Variants in B4GALNT3 observed in about 807,000 individuals in gnomAD.
B4GALNT3 encodes beta-1,4-N-acetyl-galactosaminyltransferase 3, also known as beta-1,4-N-acetylgalactosaminyltransferase 3.
In B4GALNT3, 86 loss-of-function variants were observed where a neutral mutation model predicts 120.2. The observed-to-expected ratio is 0.72, with a 90% CI of 0.60 to 0.86. The LOEUF is 0.86. Among genes scored for constraint, B4GALNT3 ranks in the 40% least tolerant of loss-of-function variants. The pLI, the probability that B4GALNT3 is intolerant of heterozygous loss-of-function variation, is 0.00. For synonymous variants in B4GALNT3, 518 were observed against 510.4 expected (o/e 1.01, Z -0.20); for missense variants, 1,167 against 1,298.9 (o/e 0.90, Z 1.56).
At chr12:512,072 C>CCTT (rs1946579286) in intron 1 of B4GALNT3, among the ~76,000 whole-genome samples, 2 of 135,780 alleles carry the variant, frequency 1.5e-5, no homozygotes, top group Non-Finnish European at 3.1e-5. Context: ...CCACCTTCAA[C>CCTT]CTTCCACCTT....
intron 1 of B4GALNT3, among the ~76,000 whole-genome samples, chr12:484,995 G>A (rs1025541563): frequency 1.3e-5 from 2 of 152,082 alleles, no homozygotes; most frequent in Admixed American, 1.3e-4. Flanking sequence ...AAGAGCTATG[G>A]TGTTCTCGCA....
chr12:512,386 A>G (rs1280428873), intron 1 of B4GALNT3, among the ~76,000 whole-genome samples: 2 of 82,894 alleles, frequency 2.4e-5, no homozygotes, highest in Non-Finnish European at 2.3e-5. Flanking sequence ...TCCACCTTCC[A>G]CCTTCTTCCA....
intron 1 of B4GALNT3, among the ~76,000 whole-genome samples, chr12:499,054 G>GCAGGGCC (rs1360885206): frequency 6.6e-6 from 1 of 152,192 alleles, no homozygotes; most frequent in African/African-American, 2.4e-5. Flanking sequence ...GTATTCTAGA[G>GCAGGGCC]CAGGGCCCAG....
chr12:556,899 G>A, intron 15 of B4GALNT3, 33 bp downstream of exon 15: 1 of 1,575,882 alleles, frequency 6.3e-7, no homozygotes, highest in African/African-American at 1.3e-5. Context: ...GCATTCTCAG[G>A]GGCGGGGTCC....
intron 1 of B4GALNT3, among the ~76,000 whole-genome samples, chr12:512,310 TCTTCCA>T (rs1946589825): frequency 9.3e-6 from 1 of 106,992 alleles, no homozygotes; most frequent in African/African-American, 4.5e-5. Flanking sequence ...CCTTCCACCT[TCTTCCA>T]CCTTCCACCT....
chr12:462,848 A>G (rs1946035168), intron 1 of B4GALNT3, among the ~76,000 whole-genome samples: 1 of 152,108 alleles, frequency 6.6e-6, no homozygotes, highest in Admixed American at 6.6e-5. Flanking sequence ...TCTTGCATCA[A>G]AGTTCCCTCT....
intron 1 of B4GALNT3, among the ~76,000 whole-genome samples, chr12:475,182 C>T (rs1946172454): frequency 6.6e-6 from 1 of 152,024 alleles, no homozygotes; most frequent in Admixed American, 6.6e-5. Context: ...TACACTTTCC[C>T]CAGAAGTTTG....
chr12:507,469 A>G (rs928434322), intron 1 of B4GALNT3, among the ~76,000 whole-genome samples: 8 of 152,192 alleles, frequency 5.3e-5, no homozygotes, highest in Admixed American at 2.0e-4. Flanking sequence ...CTGTCTTGGA[A>G]TTTGGACACT....
chr12:556,820 G>T lies in B4GALNT3; in HGVS notation c.2334G>T (p.Gln778His). ...AAGAGCCCAAGCTGTGCTGGCCTCA[G>T]GGTTTCTCCTGGAGTCACCGAGCCG... is the stretch of plus-strand genomic sequence containing the variant. Reference protein sequence around the residue: ...RAQEPKLCWPQGFSWSHRAVV... With the variant: ...RAQEPKLCWPHGFSWSHRAVV... Residue 778 changes from glutamine to histidine, a missense_variant, in exon 15 of 20, where the codon CAG becomes CAT. Transcript: ENST00000266383. 1 of 1,613,400 alleles carries T rather than the reference G, an allele frequency of 6.2e-7. No homozygotes were observed.
At chr12:491,786 TG>T (rs1015309875) in intron 1 of B4GALNT3, among the ~76,000 whole-genome samples, 4 of 151,838 alleles carry the variant, frequency 2.6e-5, no homozygotes, top group African/African-American at 4.8e-5. Context: ...CCGGGTGCGG[TG>T]GCTTACGCCT....
At chr12:481,096 G>T (rs1300673186) in intron 1 of B4GALNT3, among the ~76,000 whole-genome samples, 1 of 152,204 alleles carries the variant, frequency 6.6e-6, no homozygotes, top group Non-Finnish European at 1.5e-5. Flanking sequence ...GGAAGGCGAG[G>T]TGGGAGTTAG....
At chr12:509,489 C>A (rs1303791327) in intron 1 of B4GALNT3, among the ~76,000 whole-genome samples, 2 of 152,194 alleles carry the variant, frequency 1.3e-5, no homozygotes, top group Non-Finnish European at 2.9e-5. Context: ...AGAAAAAATA[C>A]CAACTTGCTC....
At position 548,688 on chromosome 12, in the gene B4GALNT3, T is replaced by C. The variant is rs7954825; in HGVS notation, c.853+391T>C. Among the ~76,000 whole-genome samples the C allele has an allele frequency of 0.19, 29,020 of 152,064 alleles. 3,205 individuals are homozygous for C. The highest frequency in any genetic ancestry group is 0.31 in the South Asian group (1,498 of 4,826). On this transcript the variant is annotated intron_variant, in intron 9 of 19. Transcript: ENST00000266383. The surrounding 1 kb of genome is among the most constrained non-coding windows in gnomAD (Gnocchi z 4.9). ...ACTTTGGGAGGCCGAGGTAGGAGGA[T>C]TGCTTGAGCCCAGGAGTTCGAGACC...
At chr12:467,770 A>G (rs1170721196) in intron 1 of B4GALNT3, among the ~76,000 whole-genome samples, 3 of 152,220 alleles carry the variant, frequency 2.0e-5, no homozygotes, top group Admixed American at 6.5e-5. Context: ...CTCCAGTAGC[A>G]CCCTGCCAGG....
chr12:552,344 C>T, intron 12 of B4GALNT3, 123 bp from the exon 13 acceptor site: 1 of 1,016,628 alleles, frequency 9.8e-7, no homozygotes, highest in South Asian at 1.4e-5. Flanking sequence ...CACCCGCTCA[C>T]CAGCCTCCTT....
intron 1 of B4GALNT3, among the ~76,000 whole-genome samples, chr12:519,733 G>A (rs547002073): frequency 1.1e-4 from 17 of 151,986 alleles, no homozygotes; most frequent in African/African-American, 3.9e-4. Flanking sequence ...GGTTCACTGA[G>A]GCTCTTTCAG....
chr12:468,717 A>G (rs1946106917), intron 1 of B4GALNT3, among the ~76,000 whole-genome samples: 2 of 152,186 alleles, frequency 1.3e-5, no homozygotes, highest in Admixed American at 6.5e-5. Context: ...GTCACAAACT[A>G]ATTTAGAGAC....
intron 1 of B4GALNT3, among the ~76,000 whole-genome samples, chr12:486,692 CTG>C (rs1243852125): frequency 1.3e-5 from 2 of 152,148 alleles, no homozygotes; most frequent in African/African-American, 2.4e-5. Flanking sequence ...CATTGAAAGA[CTG>C]AGATAAAACT....
intron 14 of B4GALNT3, among the ~76,000 whole-genome samples, chr12:555,781 A>T (rs970464714): frequency 1.3e-5 from 2 of 149,332 alleles, no homozygotes; most frequent in East Asian, 4.0e-4. Context: ...ATTTATTTTT[A>T]TTTTTATTTA....
Sources: allele counts gnomAD v4.1 joint callset (sites outside exome capture counted in the v4.1 genomes callset), GRCh38; gene constraint gnomAD v4.1.1; non-coding constraint Gnocchi (gnomAD v3.1); transcripts MANE v1.5; gene names NCBI Gene and HGNC (gene_info 2026-07-23, HGNC 2026-07-21).